Variants in NUCB2 observed in about 807,000 individuals in gnomAD.
NUCB2 encodes nucleobindin 2, also known as nucleobindin-2.
NUCB2 carries 48 observed loss-of-function variants against 57.9 expected under a neutral mutation model. The observed-to-expected ratio is 0.83, with a 90% confidence interval of 0.66 to 1.05. The LOEUF is 1.05. NUCB2 is among the 50% of genes least tolerant of loss of function. NUCB2 has a pLI of 0.00. For missense variants in NUCB2, 442 were observed against 476.2 expected, an observed-to-expected ratio of 0.93 and a Z score of 0.67; for synonymous variants, 139 against 152.1, an observed-to-expected ratio of 0.91 and a Z score of 0.64.
chr11:17,319,492 A>G (rs1949727541), intron 11 of NUCB2, among the ~76,000 whole-genome samples: 1 of 152,180 alleles, frequency 6.6e-6, no homozygotes. Flanking sequence ...TTGCTACTGT[A>G]GTGTCATTGC....
intron 1 of NUCB2, chr11:17,278,307 C>CTGGGATTACAGGG (rs1277584811): frequency 6.6e-6 from 1 of 151,334 alleles, no homozygotes; most frequent in Non-Finnish European, 1.5e-5. Context: ...CATCGAGTAG[C>CTGGGATTACAGGG]TGGGATTACA....
In NUCB2 at chr11:17,324,023, T is replaced by A. The variant is rs560175248; in HGVS notation, c.1003-6104T>A. ...TTAACTTCAAAAAACCAACTTTTTGTTTCATTGATCTTTTGTATCATTTCA... is the reference window on the plus strand; with the variant it reads ...TTAACTTCAAAAAACCAACTTTTTGATTCATTGATCTTTTGTATCATTTCA... On this transcript the variant is annotated intron_variant, in intron 11 of 13. Transcript: ENST00000529010. Among the ~76,000 whole-genome samples the A allele has an allele frequency of 5.3e-5, 8 of 152,330 alleles. No homozygotes were observed. In the East Asian group the frequency reaches 1.5e-3, roughly 29 times the overall value.
chr11:17,310,519 C>T (rs1390665285), intron 6 of NUCB2, among the ~76,000 whole-genome samples: 2 of 151,980 alleles, frequency 1.3e-5, no homozygotes, highest in Non-Finnish European at 2.9e-5. Context: ...CGCCTGTAAT[C>T]CCAGCTACTC....
intron 11 of NUCB2, among the ~76,000 whole-genome samples, chr11:17,317,165 C>T (rs749733418): frequency 6.6e-6 from 1 of 152,022 alleles, no homozygotes; most frequent in Non-Finnish European, 1.5e-5. Context: ...ACAGGAAATC[C>T]CTGAATACAT....
At chr11:17,277,781 A>G (rs1941632592) in intron 1 of NUCB2, among the ~76,000 whole-genome samples, 1 of 152,130 alleles carries the variant, frequency 6.6e-6, no homozygotes. Flanking sequence ...TTTGAGGGAG[A>G]TTGTGGACTT....
At position 17,303,432 on chromosome 11, in the gene NUCB2, AG is replaced by A. The variant is rs1947094126; in HGVS notation, c.379+1563del. On this transcript the variant is annotated intron_variant, in intron 5 of 13. Coordinates refer to ENST00000529010, the MANE Select transcript of NUCB2 (RefSeq NM_005013.4). ...AATCATCATATAAATAGTCCTAAGG[AG>A]AAAAAAATCTTTAAAATTTTGATGT... is the stretch of plus-strand genomic sequence containing the variant. Among the ~76,000 whole-genome samples the A allele has an allele frequency of 3.3e-5, 5 of 152,224 alleles. 1 individual carries two copies. In the South Asian group the frequency reaches 1.0e-3, roughly 31 times the overall value.
At chr11:17,347,062 C>T (rs1023735901) in intron 2 of NUCB2, among the ~76,000 whole-genome samples, 4 of 152,132 alleles carry the variant, frequency 2.6e-5, no homozygotes, top group African/African-American at 4.8e-5. Flanking sequence ...CCAAGGTGGT[C>T]GGGGCACAGC....
In NUCB2 at chr11:17,295,386, T is replaced by C. The variant is rs945082084; in HGVS notation, c.63T>C (p.Ala21=). 1.2e-6 allele frequency: 2 copies of C among 1,613,584 alleles called. No homozygotes were observed. The highest frequency in any genetic ancestry group is 1.7e-6 in the Non-Finnish European group (2 of 1,179,686). The change falls in exon 3 of 14, where the codon GCT becomes GCC. Residue 21 remains alanine, a synonymous_variant. Coordinates refer to ENST00000529010, the MANE Select transcript of NUCB2 (RefSeq NM_005013.4). The part of the protein sequence containing the change: ...CFLLITCLLT[A]LEAVPIDIDK... ...TCTTGATTACATGTTTACTTACTGC[T>C]CTTGAAGCTGTGCCTATTGACATAG...
intron 5 of NUCB2, among the ~76,000 whole-genome samples, chr11:17,304,734 AC>A (rs1468394002): frequency 1.3e-5 from 2 of 152,204 alleles, no homozygotes; most frequent in Non-Finnish European, 2.9e-5. Flanking sequence ...CAGTTAGAAG[AC>A]AGAATGGAAG....
At position 17,331,598 on chromosome 11, in the gene NUCB2, T is replaced by C; in HGVS notation, c.*179T>C. 1 of 409,900 alleles carries C rather than the reference T, an allele frequency of 2.4e-6. No individual in the cohort carries two copies. The highest frequency in any genetic ancestry group is 4.4e-5 in the Admixed American group (1 of 22,612). The allele number at this position is 409,900 out of a possible 1,614,324, so 25.4% of individuals were successfully genotyped here. ...ACACAGATATTAAAGGATTGAAGTT[T>C]ATCAGAACCAGGAAGAAAACAAACT... On this transcript the variant is annotated 3_prime_UTR_variant, in exon 14 of 14. Coordinates refer to ENST00000529010, the MANE Select transcript of NUCB2 (RefSeq NM_005013.4).
intron 11 of NUCB2, among the ~76,000 whole-genome samples, chr11:17,319,881 C>T (rs1231308456): frequency 1.3e-5 from 2 of 152,122 alleles, no homozygotes; most frequent in Non-Finnish European, 2.9e-5. Flanking sequence ...TGATCCTTCT[C>T]CTCCTCCTGC....
At chr11:17,296,036 A>T in intron 3 of NUCB2, 68 bp from the exon 4 acceptor site, 1 of 826,418 alleles carries the variant, frequency 1.2e-6, no homozygotes, top group South Asian at 1.8e-5. Context: ...GTTTCACAGG[A>T]TTGACCTCTT....
At chr11:17,334,918 C>T (rs1210226687), downstream of NUCB2, among the ~76,000 whole-genome samples, 1 of 151,014 alleles carries the variant, frequency 6.6e-6, no homozygotes, top group East Asian at 1.9e-4. Context: ...CCTAGCACCT[C>T]ACAAGTTTAC....
rs773670600 is a variant in NUCB2 at position 17,309,588 on chromosome 11, C to T, written c.396C>T (p.His132=). ...LDSLQDIGMD[H]QALLKQFDHL... is the part of the protein sequence containing the mutation. ...TTCTTTCAGATATAGGCATGGACCA[C>T]CAAGCTCTTCTAAAACAATTTGATC... Residue 132 remains histidine, a synonymous_variant, in exon 6 of 14, where the codon CAC becomes CAT. Transcript: ENST00000529010. 6.3e-7 allele frequency: 1 copy of T among 1,594,878 alleles called. No homozygotes were observed. Among genetic ancestry groups the T allele is most frequent in the South Asian group, 1.1e-5 (1 of 87,484 alleles).
In NUCB2 at chr11:17,330,550, C is replaced by T. The variant is rs569030917; in HGVS notation, c.1173+253C>T. 5.9e-5 allele frequency among the ~76,000 whole-genome samples: 9 copies of T among 152,282 alleles called. No homozygotes were observed. The highest frequency in any genetic ancestry group is 1.7e-4 in the African/African-American group (7 of 41,560). ...GTGCTGTGATCATAGCTCACTGCAG[C>T]CTCAAACTCCTGGGCTCAAGTGATC... is the stretch of plus-strand genomic sequence containing the variant. On this transcript the variant is annotated intron_variant, in intron 12 of 13. Coordinates refer to ENST00000529010, the MANE Select transcript of NUCB2 (RefSeq NM_005013.4). The surrounding 1 kb of genome is among the most constrained non-coding windows in gnomAD (Gnocchi z 4.3).
intron 1 of NUCB2, chr11:17,277,069 CT>C (rs1263060321): frequency 6.6e-6 from 1 of 152,374 alleles, no homozygotes; most frequent in East Asian, 1.9e-4. Flanking sequence ...AGGAGGGTGG[CT>C]GGCTCTTGGC....
chr11:17,309,770 A>G (rs1380118258), intron 6 of NUCB2, 95 bp downstream of exon 6: 1 of 749,438 alleles, frequency 1.3e-6, no homozygotes, highest in Non-Finnish European at 2.1e-6. Flanking sequence ...TAACTTTTAT[A>G]TATTCTGTAG....
At chr11:17,287,240 GA>G (rs1408096566) in intron 2 of NUCB2, among the ~76,000 whole-genome samples, 1 of 152,116 alleles carries the variant, frequency 6.6e-6, no homozygotes, top group African/African-American at 2.4e-5. Context: ...GCTGAGGCAA[GA>G]GGATCTCTTG....
In NUCB2 at chr11:17,310,820, T is replaced by C. The variant is rs754265849; in HGVS notation, c.484-5T>C. 6.4e-7 allele frequency: 1 copy of C among 1,571,496 alleles called. No homozygotes were observed. Among genetic ancestry groups the C allele is most frequent in the Non-Finnish European group, 8.6e-7 (1 of 1,167,372 alleles). On this transcript the variant is annotated splice_region_variant and splice_polypyrimidine_tract_variant and intron_variant, in intron 6 of 13. Coordinates refer to ENST00000529010, the MANE Select transcript of NUCB2 (RefSeq NM_005013.4). ...ATTTAACTTAAATGCATTATTGCAT[T>C]TCAGGCAACAAGTGATCTGGAACAC...
Sources: allele counts gnomAD v4.1 joint callset (sites outside exome capture counted in the v4.1 genomes callset), GRCh38; gene constraint gnomAD v4.1.1; non-coding constraint Gnocchi (gnomAD v3.1); transcripts MANE v1.5; gene names NCBI Gene and HGNC (gene_info 2026-07-23, HGNC 2026-07-21).